Variants in PDE8B observed in about 807,000 individuals in gnomAD.
The protein encoded by PDE8B is high affinity cAMP-specific and IBMX-insensitive 3',5'-cyclic phosphodiesterase 8B.
Under a neutral mutation model 101.3 loss-of-function variants are expected in PDE8B, and 26 were observed. That is an observed-to-expected ratio of 0.26 (90% CI 0.19 to 0.36). PDE8B has a LOEUF of 0.36. Among genes scored for constraint, PDE8B ranks in the 10% least tolerant of loss-of-function variants. PDE8B has a pLI of 1.00. For synonymous variants in PDE8B, 424 were observed against 429.3 expected (o/e 0.99, Z 0.15); for missense variants, 810 against 1,163.1 (o/e 0.70, Z 4.42).
Position 77,378,674 on chromosome 5 carries a change from T to A in PDE8B, c.1168-21574T>A, listed in dbSNP as rs376114062. On this transcript the variant is annotated intron_variant, in intron 10 of 21. Transcript: ENST00000264917. ...GGTGTTGCCAATGCCGCCGGTACAC[T>A]GAGCACACCTTAAATACAAAGGCTT... 5.9e-5 allele frequency among the ~76,000 whole-genome samples: 9 copies of A among 152,264 alleles called. No individual in the cohort carries two copies. In the Middle Eastern group the frequency reaches 0.01, roughly 173 times the overall value.
chr5:77,206,674 A>T (rs1015023425), upstream of PDE8B, among the ~76,000 whole-genome samples: 1 of 152,086 alleles, frequency 6.6e-6, no homozygotes, highest in Non-Finnish European at 1.5e-5. Context: ...CGAGGCACTT[A>T]TAAGGACTTA....
the PDE8B span, among the ~76,000 whole-genome samples, chr5:77,179,213 C>T: frequency 6.6e-6 from 1 of 152,364 alleles, no homozygotes; most frequent in South Asian, 2.1e-4. Flanking sequence ...TTTTTGTAGG[C>T]CTTTATGACT....
At chr5:77,336,974 G>C (rs1196638370) in intron 5 of PDE8B, among the ~76,000 whole-genome samples, 1 of 152,210 alleles carries the variant, frequency 6.6e-6, no homozygotes, top group Non-Finnish European at 1.5e-5. Flanking sequence ...CCGTGCTCTA[G>C]AGCATTCATA....
At chr5:77,227,718 G>A (rs1752707113) in intron 1 of PDE8B, among the ~76,000 whole-genome samples, 1 of 152,150 alleles carries the variant, frequency 6.6e-6, no homozygotes, top group Non-Finnish European at 1.5e-5. Context: ...GGAAGGGGAA[G>A]CAAGGTTGGG....
chr5:77,340,055 C>T (rs1778926622), intron 6 of PDE8B, among the ~76,000 whole-genome samples: 1 of 152,102 alleles, frequency 6.6e-6, no homozygotes, highest in Non-Finnish European at 1.5e-5. Flanking sequence ...TGTTCTTACA[C>T]CTCTTTATCA....
chr5:77,371,069 T>C (rs141424418), intron 10 of PDE8B, among the ~76,000 whole-genome samples: 11 of 152,358 alleles, frequency 7.2e-5, no homozygotes, highest in African/African-American at 2.4e-4. Flanking sequence ...TTTGCTCATA[T>C]GTACTTTCAC....
chr5:77,182,944 GA>G, the PDE8B span, among the ~76,000 whole-genome samples: 1 of 151,518 alleles, frequency 6.6e-6, no homozygotes, highest in Non-Finnish European at 1.5e-5. Context: ...ATTATTATAA[GA>G]GATTAAAAAG....
At chr5:77,118,720 C>G in the PDE8B span, 1 of 203,728 alleles carries the variant, frequency 4.9e-6, no homozygotes, top group Non-Finnish European at 9.8e-6. Flanking sequence ...TAGAATATTC[C>G]CAGCCAGAGG....
chr5:77,221,033 A>T (rs181430871), intron 1 of PDE8B, among the ~76,000 whole-genome samples: 3 of 152,270 alleles, frequency 2.0e-5, no homozygotes, highest in Non-Finnish European at 2.9e-5. Flanking sequence ...TCTTTGTGGC[A>T]CTTATTTTCT....
the PDE8B span, among the ~76,000 whole-genome samples, chr5:77,197,710 G>C: frequency 7.0e-6 from 1 of 141,920 alleles, no homozygotes; most frequent in Non-Finnish European, 1.5e-5. Context: ...TCAAAATCCA[G>C]CTCCTGGTTA....
At chr5:77,174,551 A>G in the PDE8B span, among the ~76,000 whole-genome samples, 1 of 152,094 alleles carries the variant, frequency 6.6e-6, no homozygotes, top group Non-Finnish European at 1.5e-5. Context: ...CTCCATGACT[A>G]TTCCTTGTGT....
At chr5:77,118,341 G>A in the PDE8B span, 32 of 398,494 alleles carry the variant, frequency 8.0e-5, no homozygotes, top group African/African-American at 4.7e-4. Context: ...TCCTGGTGCC[G>A]AACATGAGGA....
intron 1 of PDE8B, among the ~76,000 whole-genome samples, chr5:77,287,846 G>GT (rs1425640532): frequency 3.3e-5 from 5 of 152,020 alleles, no homozygotes; most frequent in Non-Finnish European, 5.9e-5. Flanking sequence ...TCAAAATGTT[G>GT]TTTCTTGTCT....
At chr5:77,419,630 C>T in intron 18 of PDE8B, 137 bp from the exon 19 acceptor site, 5 of 989,236 alleles carry the variant, frequency 5.1e-6, no homozygotes, top group Non-Finnish European at 7.9e-6. Context: ...ACGAGCTCTT[C>T]TTGTGATCTG....
chr5:77,238,783 G>A (rs1179171637), intron 1 of PDE8B, among the ~76,000 whole-genome samples: 2 of 152,174 alleles, frequency 1.3e-5, no homozygotes, highest in Admixed American at 6.5e-5. Context: ...ATTCTAGTAC[G>A]AGTCCAAAGG....
At chr5:77,195,042 G>A in the PDE8B span, among the ~76,000 whole-genome samples, 1 of 152,170 alleles carries the variant, frequency 6.6e-6, no homozygotes, top group East Asian at 1.9e-4. Context: ...TTATGTTTTA[G>A]TTTGTGCTGC....
chr5:77,186,071 CTAT>C, the PDE8B span, among the ~76,000 whole-genome samples: 1 of 152,154 alleles, frequency 6.6e-6, no homozygotes, highest in Admixed American at 6.5e-5. Context: ...AAAATGGTGG[CTAT>C]TATTATTTGC....
chr5:77,311,398 G>A (rs949201603), intron 1 of PDE8B, among the ~76,000 whole-genome samples: 3 of 152,176 alleles, frequency 2.0e-5, no homozygotes, highest in Admixed American at 6.5e-5. Flanking sequence ...TCATGGTGTG[G>A]TGTTGCTCAG....
At chr5:77,340,743 A>G (rs1779082862) in intron 6 of PDE8B, among the ~76,000 whole-genome samples, 2 of 152,078 alleles carry the variant, frequency 1.3e-5, no homozygotes, top group African/African-American at 4.8e-5. Context: ...ACTGAGAACC[A>G]TCACAGCTAC....
Sources: allele counts gnomAD v4.1 joint callset (sites outside exome capture counted in the v4.1 genomes callset), GRCh38; gene constraint gnomAD v4.1.1; transcripts MANE v1.5; gene names NCBI Gene and HGNC (gene_info 2026-07-23, HGNC 2026-07-21).